KIAA1958: variants seen among roughly 807,000 people sequenced by gnomAD.
KIAA1958 encodes the protein uncharacterized protein KIAA1958.
A neutral mutation model predicts 47.2 loss-of-function variants in KIAA1958; 14 were observed. The ratio of observed to expected loss-of-function variants is 0.30; its 90% CI spans 0.20 to 0.46. The LOEUF (loss-of-function observed/expected upper bound fraction) is 0.46. KIAA1958 is among the 20% of genes least tolerant of loss of function. The pLI, the probability that KIAA1958 is intolerant of heterozygous loss-of-function variation, is 1.00. For synonymous variants in KIAA1958, 354 were observed against 353.3 expected, an observed-to-expected ratio of 1.00 and a Z score of -0.02; for missense variants, 803 against 909.2, an observed-to-expected ratio of 0.88 and a Z score of 1.50.
chr9:112,548,928 G>C (rs977866204), intron 1 of KIAA1958, among the ~76,000 whole-genome samples: 2 of 152,194 alleles, frequency 1.3e-5, no homozygotes, highest in Non-Finnish European at 2.9e-5. Context: ...ACCATGTGAA[G>C]ACACCAGAAG....
chr9:112,589,080 C>T (rs937553293), intron 2 of KIAA1958, among the ~76,000 whole-genome samples: 1 of 152,108 alleles, frequency 6.6e-6, no homozygotes, highest in African/African-American at 2.4e-5. Context: ...GTGCCCAGCT[C>T]TCTAATATGA....
Position 112,499,555 on chromosome 9 carries a change from AT to A in KIAA1958, c.-25+12441del, listed in dbSNP as rs1305389072. ...TTCATAATATTCTGCCTATGATAAT[AT>A]TTTGCTTATGAGTATATTTGGAATA... On this transcript the variant is annotated intron_variant, in intron 1 of 3. Transcript: ENST00000337530. Among the ~76,000 whole-genome samples the A allele has an allele frequency of 2.7e-3, 412 of 151,896 alleles. 2 individuals are homozygous for A. The highest frequency in any genetic ancestry group is 9.5e-3 in the African/African-American group (394 of 41,408).
chr9:112,647,595 A>T (rs10981466), intron 3 of KIAA1958, among the ~76,000 whole-genome samples: 3,608 of 152,356 alleles, frequency 0.024, 204 homozygotes, highest in East Asian at 0.18. Flanking sequence ...ATGAAAACAT[A>T]TAGAAATACG....
At chr9:112,638,378 G>A (rs1278905059) in intron 2 of KIAA1958, among the ~76,000 whole-genome samples, 2 of 151,874 alleles carry the variant, frequency 1.3e-5, no homozygotes, top group Admixed American at 6.6e-5. Context: ...TGTGCATGCA[G>A]GTAGTCCTAG....
intron 2 of KIAA1958, among the ~76,000 whole-genome samples, chr9:112,640,961 C>T (rs1331727656): frequency 6.6e-6 from 1 of 151,912 alleles, no homozygotes; most frequent in African/African-American, 2.4e-5. Flanking sequence ...GATTTTATTC[C>T]ATTATGCTTC....
At chr9:112,532,989 A>G (rs1028879725) in intron 1 of KIAA1958, among the ~76,000 whole-genome samples, 1 of 152,020 alleles carries the variant, frequency 6.6e-6, no homozygotes, top group East Asian at 1.9e-4. Flanking sequence ...TTTTTTTTTC[A>G]GATACCTGAT....
At position 112,662,214 on chromosome 9, in the gene KIAA1958, GAATT is replaced by G. The variant is rs1421724073; in HGVS notation, c.*2147_*2150del. ...CCATAAAATCCCTGGGTTCTGAAGTGAATTATTATAATTAATAATCAGGAGGGCG... is the reference window on the plus strand; with the variant it reads ...CCATAAAATCCCTGGGTTCTGAAGTGATTATAATTAATAATCAGGAGGGCG... On this transcript the variant is annotated 3_prime_UTR_variant, in exon 4 of 4. Coordinates refer to ENST00000337530, the MANE Select transcript of KIAA1958 (RefSeq NM_133465.4). 1 of 152,148 alleles carries G rather than the reference GAATT, an allele frequency of 6.6e-6. No homozygotes were observed. Among genetic ancestry groups the G allele is most frequent in the Non-Finnish European group, 1.5e-5 (1 of 68,042 alleles). 9.4% of individuals were successfully genotyped at this position (152,148 alleles called of 1,614,324 possible).
In KIAA1958 at chr9:112,618,024, A is replaced by C; in HGVS notation, c.1172-27626A>C. 1.3e-6 allele frequency: 2 copies of C among 1,550,582 alleles called. No individual in the cohort carries two copies. Among genetic ancestry groups the C allele is most frequent in the Non-Finnish European group, 1.7e-6 (2 of 1,147,004 alleles). ...TATGTCATCCCTTGCAAGGAGTTGG[A>C]TGCCTACCTTGCCTCTTTCTTTGTT... On this transcript the variant is annotated intron_variant, in intron 2 of 3. Coordinates refer to ENST00000337530, the MANE Select transcript of KIAA1958 (RefSeq NM_133465.4). The surrounding 1 kb of genome is among the most constrained non-coding windows in gnomAD (Gnocchi z 7.1).
At chr9:112,627,828 C>T (rs1588045961) in intron 2 of KIAA1958, among the ~76,000 whole-genome samples, 1 of 152,220 alleles carries the variant, frequency 6.6e-6, no homozygotes, top group South Asian at 2.1e-4. Flanking sequence ...ACAGTTCCCA[C>T]TTGTTAACTT....
intron 1 of KIAA1958, among the ~76,000 whole-genome samples, chr9:112,567,685 A>G (rs1033545462): frequency 1.3e-5 from 2 of 152,110 alleles, no homozygotes; most frequent in Non-Finnish European, 2.9e-5. Flanking sequence ...CAGGCCAGGT[A>G]TGGTGGCTGA....
intron 1 of KIAA1958, among the ~76,000 whole-genome samples, chr9:112,521,181 GTATTTCTAAA>G (rs2132795792): frequency 6.6e-6 from 1 of 152,148 alleles, no homozygotes; most frequent in Non-Finnish European, 1.5e-5. Flanking sequence ...TCAGTTTCTT[GTATTTCTAAA>G]TAGCCTATGT....
intron 1 of KIAA1958, among the ~76,000 whole-genome samples, chr9:112,569,600 A>G (rs1045065459): frequency 4.0e-5 from 6 of 148,426 alleles, no homozygotes; most frequent in Non-Finnish European, 5.9e-5. Flanking sequence ...TATTGGTAAC[A>G]CTTTGAAATT....
chr9:112,588,995 G>A (rs1835874701), intron 2 of KIAA1958, among the ~76,000 whole-genome samples: 1 of 151,484 alleles, frequency 6.6e-6, no homozygotes, highest in Admixed American at 6.6e-5. Context: ...GCCCAGGCTG[G>A]TTTTAAACTC....
intron 2 of KIAA1958, among the ~76,000 whole-genome samples, chr9:112,639,238 TTA>T (rs1231110003): frequency 1.3e-5 from 2 of 152,214 alleles, no homozygotes; most frequent in East Asian, 3.8e-4. Flanking sequence ...TTGCATTTAG[TTA>T]TATCCTGTTC....
intron 1 of KIAA1958, among the ~76,000 whole-genome samples, chr9:112,570,918 C>T (rs1475967238): frequency 2.0e-5 from 3 of 152,202 alleles, no homozygotes; most frequent in South Asian, 2.1e-4. Flanking sequence ...GCTGAAAGGC[C>T]GGGACCTGGG....
At chr9:112,584,139 T>C (rs1835783555) in intron 2 of KIAA1958, among the ~76,000 whole-genome samples, 1 of 152,168 alleles carries the variant, frequency 6.6e-6, no homozygotes, top group Non-Finnish European at 1.5e-5. Flanking sequence ...TGCTTCAGGG[T>C]TGAACTTTAC....
chr9:112,568,935 C>CAAAAAA (rs1835481168), intron 1 of KIAA1958, among the ~76,000 whole-genome samples: 2 of 2,856 alleles, frequency 7.0e-4, no homozygotes, highest in East Asian at 8.2e-3. Context: ...AATAGGAAAA[C>CAAAAAA]TAAAAAAAAA....
intron 1 of KIAA1958, among the ~76,000 whole-genome samples, chr9:112,498,595 TTA>T (rs1834083222): frequency 6.6e-6 from 1 of 152,168 alleles, no homozygotes; most frequent in African/African-American, 2.4e-5. Flanking sequence ...ATGCATAATC[TTA>T]TGTGTAGAGT....
At chr9:112,653,553 C>T (rs941710926) in intron 3 of KIAA1958, among the ~76,000 whole-genome samples, 1 of 152,170 alleles carries the variant, frequency 6.6e-6, no homozygotes, top group African/African-American at 2.4e-5. Flanking sequence ...CATATTCCCA[C>T]AGTCTAACTG....
Sources: allele counts gnomAD v4.1 joint callset (sites outside exome capture counted in the v4.1 genomes callset), GRCh38; gene constraint gnomAD v4.1.1; non-coding constraint Gnocchi (gnomAD v3.1); transcripts MANE v1.5; gene names NCBI Gene and HGNC (gene_info 2026-07-23, HGNC 2026-07-21).